The following GAB1 variants were observed in gnomAD, a reference collection of about 807,000 sequenced individuals.
GAB1 encodes the protein GRB2-associated-binding protein 1.
In GAB1, 19 loss-of-function variants were observed where a neutral mutation model predicts 66.5. The observed-to-expected ratio is 0.29, with a 90% CI of 0.20 to 0.42. GAB1 has a LOEUF of 0.42. Ranked by LOEUF, GAB1 falls within the 10% of genes least tolerant of loss-of-function variation. The pLI is 1.00. For synonymous variants in GAB1, 294 were observed against 301.4 expected (o/e 0.98, Z 0.25); for missense variants, 732 against 858.5 (o/e 0.85, Z 1.84).
At chr4:143,405,044 A>G (rs538165677) in intron 1 of GAB1, among the ~76,000 whole-genome samples, 113 of 152,264 alleles carry the variant, frequency 7.4e-4, no homozygotes, top group African/African-American at 2.3e-3. Context: ...TGCATAAACA[A>G]TATTTATTTT....
intron 1 of GAB1, among the ~76,000 whole-genome samples, chr4:143,397,096 A>G (rs2149694394): frequency 1.3e-5 from 2 of 152,288 alleles, no homozygotes; most frequent in East Asian, 1.9e-4. Flanking sequence ...TTTTAATGTA[A>G]ATATTTGCAT....
intron 2 of GAB1, among the ~76,000 whole-genome samples, chr4:143,432,962 CTT>C (rs1460805835): frequency 6.6e-6 from 1 of 152,138 alleles, no homozygotes; most frequent in Non-Finnish European, 1.5e-5. Context: ...CATGAATAGA[CTT>C]TATTTTCACC....
intron 1 of GAB1, among the ~76,000 whole-genome samples, chr4:143,365,756 A>G (rs1383746184): frequency 6.6e-6 from 1 of 152,208 alleles, no homozygotes; most frequent in African/African-American, 2.4e-5. Flanking sequence ...TAGTACCCAT[A>G]ATGTACAACA....
chr4:143,462,900 G>A (rs1184048397), intron 8 of GAB1, among the ~76,000 whole-genome samples: 3 of 152,174 alleles, frequency 2.0e-5, no homozygotes, highest in African/African-American at 7.2e-5. Flanking sequence ...GACCTCAAAT[G>A]ATCTGCCTGC....
At chr4:143,437,431 T>C (rs1733995307) in intron 3 of GAB1, among the ~76,000 whole-genome samples, 1 of 152,216 alleles carries the variant, frequency 6.6e-6, no homozygotes, top group Admixed American at 6.5e-5. Context: ...GTTGGCTAAA[T>C]GTTTGTTAAA....
intron 1 of GAB1, among the ~76,000 whole-genome samples, chr4:143,408,334 A>G (rs1022915005): frequency 1.3e-5 from 2 of 152,198 alleles, no homozygotes; most frequent in Admixed American, 6.5e-5. Context: ...AAAACAAAGT[A>G]TGTAAAATAT....
At position 143,438,359 on chromosome 4, in the gene GAB1, G is replaced by T. The variant is rs763004229; in HGVS notation, c.954G>T (p.Gln318His). 1 of 1,614,082 alleles carries T rather than the reference G, an allele frequency of 6.2e-7. No homozygotes were observed. Among genetic ancestry groups the T allele is most frequent in the Non-Finnish European group, 8.5e-7 (1 of 1,179,992 alleles). The change falls in exon 4 of 10, where the codon CAG becomes CAT. Residue 318 changes from glutamine (Q) to histidine (H), a missense_variant. Physicochemically the swap from Gln to His is conservative, Grantham distance 24. Transcript: ENST00000262994. ...DIPPTPGNTY[Q>H]IPRTFPEGTL... ...CTCCAACACCTGGTAATACTTATCA[G>T]ATTCCACGAACATTTCCAGAAGGAA...
intron 2 of GAB1, among the ~76,000 whole-genome samples, chr4:143,432,875 A>G (rs1479630556): frequency 6.6e-6 from 1 of 152,222 alleles, no homozygotes; most frequent in Non-Finnish European, 1.5e-5. Flanking sequence ...TGAAAATACT[A>G]CAAAAATCCA....
intron 1 of GAB1, among the ~76,000 whole-genome samples, chr4:143,344,757 A>G (rs1728936608): frequency 6.6e-6 from 1 of 152,222 alleles, no homozygotes; most frequent in Admixed American, 6.5e-5. Flanking sequence ...AGCATCTTAA[A>G]TAATAGAAGA....
chr4:143,399,890 A>G (rs1416026689), intron 1 of GAB1, among the ~76,000 whole-genome samples: 2 of 149,972 alleles, frequency 1.3e-5, no homozygotes, highest in Admixed American at 1.3e-4. Context: ...TATAGGGTTT[A>G]TCTTACGTGG....
At chr4:143,380,441 T>G (rs1415362463) in intron 1 of GAB1, among the ~76,000 whole-genome samples, 1 of 152,212 alleles carries the variant, frequency 6.6e-6, no homozygotes, top group Non-Finnish European at 1.5e-5. Context: ...ATCCCAAGCT[T>G]ATGTAAAATA....
At chr4:143,439,761 A>C in intron 4 of GAB1, 41 bp from the exon 5 acceptor site, 1 of 1,430,948 alleles carries the variant, frequency 7.0e-7, no homozygotes, top group Non-Finnish European at 9.9e-7. Flanking sequence ...GAGAGCTGGC[A>C]AAGATGGGAA....
Position 143,442,326 on chromosome 4 carries a change from T to C in GAB1, c.1585+1944T>C, listed in dbSNP as rs528842077. On this transcript the variant is annotated intron_variant, in intron 6 of 9. Transcript: ENST00000262994. The stretch of plus-strand genomic sequence containing the variant: ...TTTATATTTTGAGGTCTCGCATAAA[T>C]GTGGAGGGAGTAAGATTTGGGTGAG... Among the ~76,000 whole-genome samples, 275 of 152,278 alleles carry C rather than the reference T, an allele frequency of 1.8e-3. 1 individual carries two copies. Among genetic ancestry groups the C allele is most frequent in the Middle Eastern group, 0.01 (3 of 294 alleles).
chr4:143,361,017 A>G (rs996553487), intron 1 of GAB1, among the ~76,000 whole-genome samples: 2 of 152,210 alleles, frequency 1.3e-5, no homozygotes, highest in Non-Finnish European at 2.9e-5. Flanking sequence ...TATCAGGCTA[A>G]CATAAAGTGC....
chr4:143,363,925 G>T (rs747618673), intron 1 of GAB1, among the ~76,000 whole-genome samples: 5 of 152,096 alleles, frequency 3.3e-5, no homozygotes, highest in Admixed American at 1.3e-4. Context: ...CGTGCTGGCC[G>T]TGGTGGCTCA....
At chr4:143,341,827 A>G (rs2149640658) in intron 1 of GAB1, among the ~76,000 whole-genome samples, 1 of 152,328 alleles carries the variant, frequency 6.6e-6, no homozygotes, top group South Asian at 2.1e-4. Flanking sequence ...AGGACAACCC[A>G]GGACCTGTGC....
At chr4:143,379,060 A>T (rs73853826) in intron 1 of GAB1, among the ~76,000 whole-genome samples, 4,095 of 152,254 alleles carry the variant, frequency 0.027, 200 homozygotes, top group African/African-American at 0.095. Context: ...TGTTATGAAA[A>T]AAAGGGGGAC....
At chr4:143,455,396 C>T (rs767144542) in intron 6 of GAB1, among the ~76,000 whole-genome samples, 12 of 152,136 alleles carry the variant, frequency 7.9e-5, no homozygotes, top group Non-Finnish European at 1.5e-4. Flanking sequence ...TAAGATTTAG[C>T]AGTCATGTGA....
rs903709362 is a variant in GAB1, at chr4:143,428,495, C to T, written c.368-4996C>T. 7.9e-5 allele frequency among the ~76,000 whole-genome samples: 12 copies of T among 152,218 alleles called. No homozygotes were observed. The East Asian group carries it at 2.1e-3, about 27-fold the overall frequency. On this transcript the variant is annotated intron_variant, in intron 2 of 9. Coordinates refer to ENST00000262994, the MANE Select transcript of GAB1 (RefSeq NM_002039.4). ...TGGTCTTACTTTTCCAAAAAGGAAACCTCTGGGTGATGGGCATCCTGTTTA... is the reference window on the plus strand; with the variant it reads ...TGGTCTTACTTTTCCAAAAAGGAAATCTCTGGGTGATGGGCATCCTGTTTA...
Sources: allele counts gnomAD v4.1 joint callset (sites outside exome capture counted in the v4.1 genomes callset), GRCh38; gene constraint gnomAD v4.1.1; transcripts MANE v1.5; gene names NCBI Gene and HGNC (gene_info 2026-07-23, HGNC 2026-07-21).